The following SON variants were observed in gnomAD, a reference collection of about 807,000 sequenced individuals.
The protein encoded by SON is SON DNA and RNA binding protein.
In SON, 4 loss-of-function variants were observed where a neutral mutation model predicts 173.3. The ratio of observed to expected loss-of-function variants is 0.02; its 90% CI spans 0.01 to 0.05. The LOEUF is 0.05. Among genes scored for constraint, SON ranks in the 10% least tolerant of loss-of-function variants. The pLI is 1.00. For missense variants in SON, 2,626 were observed against 3,055.3 expected (o/e 0.86, Z 3.31); for synonymous variants, 1,190 against 1,105.9 (o/e 1.08, Z -1.51).
intron 7 of SON, among the ~76,000 whole-genome samples, chr21:33,568,633 C>T (rs916138209): frequency 1.3e-5 from 2 of 152,166 alleles, no homozygotes; most frequent in African/African-American, 2.4e-5. Flanking sequence ...ACATGTATTA[C>T]AATACATTTG....
chr21:33,558,702 T>C (rs1017229968), intron 4 of SON: 5 of 152,184 alleles, frequency 3.3e-5, no homozygotes, highest in African/African-American at 1.2e-4. Context: ...GACTTCTCCT[T>C]TCCCTACCAG....
At chr21:33,573,038 A>T in intron 8 of SON, 16 of 270,716 alleles carry the variant, frequency 5.9e-5, no homozygotes, top group Non-Finnish European at 7.6e-5. Flanking sequence ...GAGTGTTCTA[A>T]TTTTTTTTTT....
At chr21:33,570,529 T>G (rs1243511838) in intron 8 of SON, among the ~76,000 whole-genome samples, 1 of 152,186 alleles carries the variant, frequency 6.6e-6, no homozygotes, top group Admixed American at 6.5e-5. Context: ...TGCTGAGGGT[T>G]GGTGTTAGAA....
Position 33,551,249 on chromosome 21 carries a change from T to C in SON, c.2018T>C (p.Leu673Pro). The change falls in exon 3 of 12, where the codon CTG (leucine) becomes CCG (proline). Residue 673 changes from leucine (L) to proline (P), a missense_variant. Leu to Pro is a moderately conservative substitution (Grantham distance 98). Coordinates refer to ENST00000356577, the MANE Select transcript of SON (RefSeq NM_138927.4). ...TCAACGATGACCGTGTCGCAGTCCC[T>C]GGAGGTGCCCTCGACGACAGCGCTG... ...ELSTMTVSQS[L>P]EVPSTTALES... 1 of 1,614,046 alleles carries C rather than the reference T, an allele frequency of 6.2e-7. No homozygotes were observed. Among genetic ancestry groups the C allele is most frequent in the East Asian group, 2.2e-5 (1 of 44,868 alleles).
chr21:33,549,796 C>A lies in SON; in HGVS notation c.565C>A (p.Pro189Thr). The change falls in exon 3 of 12, where the codon CCT becomes ACT. Residue 189 changes from proline to threonine, a missense_variant. Physicochemically the swap from Pro to Thr is conservative, Grantham distance 38 (BLOSUM62 -1). This residue lies in a region of SON where 757 missense variants were observed against 730.1 expected (regional missense o/e 1.04). Transcript: ENST00000356577. ...TGAATCCCCTGCAGTTGTGCTAGAA[C>A]CTCCTGTAGTATCAATGGAGGTATC... is the stretch of plus-strand genomic sequence containing the variant. Reference protein sequence around the residue: ...TNESPAVVLEPPVVSMEVSEP... With the variant: ...TNESPAVVLETPVVSMEVSEP... The A allele has an allele frequency of 6.2e-7, 1 of 1,614,220 alleles. No homozygotes were observed. The highest frequency in any genetic ancestry group is 8.5e-7 in the Non-Finnish European group (1 of 1,180,052).
intron 8 of SON, among the ~76,000 whole-genome samples, chr21:33,570,528 T>C (rs536695414): frequency 1.3e-5 from 2 of 152,238 alleles, no homozygotes; most frequent in Admixed American, 1.3e-4. Flanking sequence ...TTGCTGAGGG[T>C]TGGTGTTAGA....
In SON at chr21:33,550,441, G is replaced by C. The variant is rs2085742350; in HGVS notation, c.1210G>C (p.Glu404Gln). 6.2e-7 allele frequency: 1 copy of C among 1,613,718 alleles called. No individual in the cohort carries two copies. The highest frequency in any genetic ancestry group is 1.3e-5 in the African/African-American group (1 of 74,872). The part of the protein sequence containing the change: ...LQGPPVTPVL[E>Q]LPGPSATPVP... ...GGGGCCCCCTGTGACTCCAGTGCTG[G>C]AGTTACCTGGGCCCTCTGCTACCCC... Residue 404 changes from glutamate to glutamine, a missense_variant, in exon 3 of 12, where the codon GAG (glutamate) becomes CAG (glutamine). Coordinates refer to ENST00000356577, the MANE Select transcript of SON (RefSeq NM_138927.4).
At chr21:33,556,624 G>C (rs2145844153) in intron 3 of SON, among the ~76,000 whole-genome samples, 1 of 151,260 alleles carries the variant, frequency 6.6e-6, no homozygotes, top group African/African-American at 2.4e-5. Context: ...TGAGACAGGA[G>C]AATCACTTGA....
chr21:33,551,264 C>T lies in SON; in HGVS notation c.2033C>T (p.Thr678Met), dbSNP rs1393305639. The T allele has an allele frequency of 7.4e-6, 12 of 1,614,134 alleles. No homozygotes were observed. Among genetic ancestry groups the T allele is most frequent in the Middle Eastern group, 1.7e-4 (1 of 6,060 alleles). The change falls in exon 3 of 12, where the codon ACG becomes ATG. Residue 678 changes from threonine to methionine, a missense_variant. Transcript: ENST00000356577. ...TVSQSLEVPSTTALESYNTVA... is the reference protein window; with the variant it reads ...TVSQSLEVPSMTALESYNTVA... Reference sequence around the variant, plus strand: ...TCGCAGTCCCTGGAGGTGCCCTCGACGACAGCGCTGGAATCCTATAATACG... The same window carrying T: ...TCGCAGTCCCTGGAGGTGCCCTCGATGACAGCGCTGGAATCCTATAATACG...
In SON at chr21:33,549,854, C is replaced by G; in HGVS notation, c.623C>G (p.Ala208Gly). The change falls in exon 3 of 12, where the codon GCT (alanine) becomes GGT (glycine). Residue 208 changes from alanine to glycine, a missense_variant. Transcript: ENST00000356577. The part of the protein sequence containing the change: ...EPHILETLKP[A>G]TKTAELSVVS... ...CACATCTTAGAAACTCTGAAGCCAGCTACAAAAACTGCAGAACTGTCAGTT... is the reference window on the plus strand; with the variant it reads ...CACATCTTAGAAACTCTGAAGCCAGGTACAAAAACTGCAGAACTGTCAGTT... 1 of 1,614,230 alleles carries G rather than the reference C, an allele frequency of 6.2e-7. No homozygotes were observed. Among genetic ancestry groups the G allele is most frequent in the Non-Finnish European group, 8.5e-7 (1 of 1,180,044 alleles).
At position 33,555,182 on chromosome 21, in the gene SON, G is replaced by A. The variant is rs1392881915; in HGVS notation, c.5951G>A (p.Arg1984Gln). 3 of 1,554,172 alleles carry A rather than the reference G, an allele frequency of 1.9e-6. No homozygotes were observed. Among genetic ancestry groups the A allele is most frequent in the Admixed American group, 1.9e-5 (1 of 53,390 alleles). ...PSRRSRTPSR[R>Q]SRTPSRRSRT... ...CGCCGCAGCCGCACCCCCAGCCGCC[G>A]GAGCCGCACCCCTAGCCGTCGGAGC... The change falls in exon 3 of 12, where the codon CGG (arginine) becomes CAG (glutamine). Residue 1984 changes from arginine to glutamine, a missense_variant. By Grantham distance (43) the Arg-to-Gln change is conservative. Transcript: ENST00000356577.
chr21:33,560,158 C>T (rs774947679), intron 6 of SON: 28 of 1,598,098 alleles, frequency 1.8e-5, no homozygotes, highest in African/African-American at 4.0e-5. Context: ...AGGGATTGAT[C>T]GGAGAGGGCA....
Position 33,575,745 on chromosome 21 carries a change from T to C in SON, c.7106-33T>C, listed in dbSNP as rs746294796. 1.9e-6 allele frequency: 3 copies of C among 1,571,440 alleles called. No homozygotes were observed. In the South Asian group the frequency reaches 3.4e-5, roughly 18 times the overall value. ...TATTTGTTGCAGAAGTTGGTGGAAA[T>C]AATTTAAAACTGGGTATTTCTCCCC... On this transcript the variant is annotated intron_variant, in intron 10 of 11. Coordinates refer to ENST00000356577, the MANE Select transcript of SON (RefSeq NM_138927.4).
intron 9 of SON, among the ~76,000 whole-genome samples, chr21:33,575,209 TTTC>T (rs1313752578): frequency 6.6e-6 from 1 of 151,942 alleles, no homozygotes; most frequent in Non-Finnish European, 1.5e-5. Flanking sequence ...CTAATTTTTG[TTTC>T]TTTAGTAGAG....
At chr21:33,544,813 T>G (rs1417976061) in intron 1 of SON, among the ~76,000 whole-genome samples, 1 of 152,218 alleles carries the variant, frequency 6.6e-6, no homozygotes, top group African/African-American at 2.4e-5. Context: ...CATAATTACT[T>G]TTCTGATTTT....
chr21:33,569,289 C>T (rs991731599), intron 8 of SON: 2 of 521,074 alleles, frequency 3.8e-6, no homozygotes, highest in African/African-American at 3.9e-5. Context: ...GCTCAAGAGC[C>T]ACTAACTTAT....
chr21:33,572,169 T>C (rs942993994), intron 8 of SON: 2 of 109,358 alleles, frequency 1.8e-5, no homozygotes, highest in Non-Finnish European at 1.9e-5. Flanking sequence ...TGACTTTTGC[T>C]ATATTATATA....
At position 33,554,887 on chromosome 21, in the gene SON, G is replaced by A. The variant is rs754989191; in HGVS notation, c.5656G>A (p.Val1886Ile). 1 of 1,614,096 alleles carries A rather than the reference G, an allele frequency of 6.2e-7. No homozygotes were observed. The highest frequency in any genetic ancestry group is 8.5e-7 in the Non-Finnish European group (1 of 1,180,016). Residue 1886 changes from valine (V) to isoleucine (I), a missense_variant, in exon 3 of 12, where the codon GTA (valine) becomes ATA (isoleucine). Val to Ile is a conservative substitution (Grantham distance 29). Coordinates refer to ENST00000356577, the MANE Select transcript of SON (RefSeq NM_138927.4). ...SRSKSRGRRS[V>I]SKEKRKRSPK... ...ATCAAAGTCTAGAGGAAGAAGATCTGTATCAAAAGAGAAGCGCAAAAGATC... is the reference window on the plus strand; with the variant it reads ...ATCAAAGTCTAGAGGAAGAAGATCTATATCAAAAGAGAAGCGCAAAAGATC...
Position 33,555,047 on chromosome 21 carries a change from G to C in SON, c.5816G>C (p.Arg1939Thr). The change falls in exon 3 of 12, where the codon AGG (arginine) becomes ACG (threonine). Residue 1939 changes from arginine (R) to threonine (T), a missense_variant. Around this residue, in one of 13 missense-constraint regions of SON, gnomAD observed 138 missense variants for 222.9 expected, o/e 0.62. Transcript: ENST00000356577. ...SRSHTPSRRR[R>T]SRSVGRRRSF... ...AGTCATACTCCAAGTCGTCGACGAA[G>C]GTCTAGATCTGTGGGTAGAAGAAGG... 1 of 1,612,544 alleles carries C rather than the reference G, an allele frequency of 6.2e-7. No homozygotes were observed. Among genetic ancestry groups the C allele is most frequent in the Non-Finnish European group, 8.5e-7 (1 of 1,179,808 alleles).
Sources: allele counts gnomAD v4.1 joint callset (sites outside exome capture counted in the v4.1 genomes callset), GRCh38; gene constraint gnomAD v4.1.1; regional missense constraint gnomAD v4.1.1; transcripts MANE v1.5; gene names NCBI Gene and HGNC (gene_info 2026-07-23, HGNC 2026-07-21).